Variants in KIF16B observed in about 807,000 individuals in gnomAD.
The protein encoded by KIF16B is kinesin family member 16B.
A neutral mutation model predicts 156.3 loss-of-function variants in KIF16B; 98 were observed. That is an observed-to-expected ratio of 0.63 (90% CI 0.53 to 0.74). The LOEUF (loss-of-function observed/expected upper bound fraction) is 0.74, where lower values mean the gene tolerates loss of function less well. KIF16B is among the 30% of genes least tolerant of loss of function. The pLI, the probability that KIF16B is intolerant of heterozygous loss-of-function variation, is 0.00. For missense variants in KIF16B, 1,421 were observed against 1,606.5 expected, an observed-to-expected ratio of 0.88 and a Z score of 1.97; for synonymous variants, 564 against 583.7, an observed-to-expected ratio of 0.97 and a Z score of 0.49.
chr20:16,294,394 G>A (rs2063353974), intron 25 of KIF16B, among the ~76,000 whole-genome samples: 1 of 152,200 alleles, frequency 6.6e-6, no homozygotes, highest in South Asian at 2.1e-4. Context: ...GTAGGAAAGT[G>A]AGTGAGAGAA....
chr20:16,289,928 A>C (rs1415531503), intron 25 of KIF16B, among the ~76,000 whole-genome samples: 1 of 152,224 alleles, frequency 6.6e-6, no homozygotes, highest in Admixed American at 6.5e-5. Flanking sequence ...ATAAACTGAA[A>C]ATCTAACCCA....
At chr20:16,343,715 G>A (rs577844474) in intron 23 of KIF16B, among the ~76,000 whole-genome samples, 1 of 152,136 alleles carries the variant, frequency 6.6e-6, no homozygotes, top group East Asian at 1.9e-4. Flanking sequence ...TAATGGATAA[G>A]GTTTAATTAA....
chr20:16,299,580 CA>C (rs1477164703), intron 25 of KIF16B, among the ~76,000 whole-genome samples: 13 of 152,116 alleles, frequency 8.5e-5, no homozygotes, highest in Admixed American at 8.5e-4. Context: ...TCTTTTGAAC[CA>C]GAAAGGGTTG....
At chr20:16,444,538 C>T (rs917790745) in intron 12 of KIF16B, among the ~76,000 whole-genome samples, 11 of 152,122 alleles carry the variant, frequency 7.2e-5, no homozygotes, top group African/African-American at 1.9e-4. Flanking sequence ...GGAGTACTTG[C>T]GACACAGGTG....
chr20:16,544,034 A>C (rs1368206064), intron 1 of KIF16B, among the ~76,000 whole-genome samples: 2 of 152,196 alleles, frequency 1.3e-5, no homozygotes, highest in East Asian at 3.8e-4. Flanking sequence ...GAACACAATG[A>C]GCCAGCCAGT....
At chr20:16,280,144 T>G (rs1568808101) in intron 25 of KIF16B, among the ~76,000 whole-genome samples, 1 of 152,250 alleles carries the variant, frequency 6.6e-6, no homozygotes, top group Non-Finnish European at 1.5e-5. Flanking sequence ...GGGCAAAATC[T>G]GGCCTTTAGG....
At chr20:16,502,620 C>T (rs2068658474) in intron 10 of KIF16B, among the ~76,000 whole-genome samples, 1 of 151,988 alleles carries the variant, frequency 6.6e-6, no homozygotes, top group South Asian at 2.1e-4. Context: ...AAAAAGACTA[C>T]AAAATATAAG....
chr20:16,317,710 C>T (rs2063717967), intron 24 of KIF16B, among the ~76,000 whole-genome samples: 1 of 152,244 alleles, frequency 6.6e-6, no homozygotes, highest in Non-Finnish European at 1.5e-5. Context: ...ACAGCTCAAA[C>T]TGTCGGCCAG....
At chr20:16,407,813 C>T (rs566823036) in intron 15 of KIF16B, among the ~76,000 whole-genome samples, 1 of 152,118 alleles carries the variant, frequency 6.6e-6, no homozygotes, top group Non-Finnish European at 1.5e-5. Flanking sequence ...TTTTGTGTTC[C>T]CTGTCATGTT....
intron 24 of KIF16B, among the ~76,000 whole-genome samples, chr20:16,331,706 T>C (rs2063951260): frequency 6.6e-6 from 1 of 152,178 alleles, no homozygotes; most frequent in South Asian, 2.1e-4. Flanking sequence ...GGCTATAAAA[T>C]AGTCACCCAT....
intron 12 of KIF16B, among the ~76,000 whole-genome samples, chr20:16,470,576 C>A (rs1291139272): frequency 6.6e-6 from 1 of 152,084 alleles, no homozygotes; most frequent in South Asian, 2.1e-4. Context: ...TCCAACCCCC[C>A]AGGCTCAAGC....
chr20:16,426,731 G>C (rs1473398514), intron 15 of KIF16B, among the ~76,000 whole-genome samples: 1 of 151,966 alleles, frequency 6.6e-6, no homozygotes, highest in Non-Finnish European at 1.5e-5. Context: ...AATCCTCTAT[G>C]TATGTTACAA....
rs779655646 is a variant in KIF16B, at chr20:16,273,389, C to T, written c.3818G>A (p.Ser1273Asn). The part of the protein sequence containing the change: ...HLEKYLRDFF[S>N]VMLQSATSPL... ...AGATGTTGCGGACTGGAGCATCACG[C>T]TGAAAAAGTCCCTGAGGTATTTCTG... Residue 1273 changes from serine (S) to asparagine (N), a missense_variant, in exon 26 of 26, where the codon AGC (serine) becomes AAC (asparagine). By Grantham distance (46) the Ser-to-Asn change is conservative. Transcript: ENST00000354981. The T allele has an allele frequency of 3.7e-6, 6 of 1,613,926 alleles. No individual in the cohort carries two copies. The highest frequency in any genetic ancestry group is 3.3e-5 in the Admixed American group (2 of 59,994).
chr20:16,294,939 CCT>C (rs2122527654), intron 25 of KIF16B, among the ~76,000 whole-genome samples: 1 of 152,262 alleles, frequency 6.6e-6, no homozygotes, highest in Admixed American at 6.5e-5. Flanking sequence ...TTTGTTTCCA[CCT>C]GGTTGTTACC....
intron 23 of KIF16B, among the ~76,000 whole-genome samples, chr20:16,355,187 ATGCATCAGGGG>A (rs2064415030): frequency 6.6e-6 from 1 of 152,162 alleles, no homozygotes; most frequent in Non-Finnish European, 1.5e-5. Context: ...CTGCCCTGAG[ATGCATCAGGGG>A]TGGGGACAGG....
At chr20:16,404,998 G>A (rs1013850142) in intron 16 of KIF16B, 97 bp from the exon 17 acceptor site, 7 of 800,302 alleles carry the variant, frequency 8.7e-6, no homozygotes, top group African/African-American at 1.7e-5. Context: ...ACAATGAGGT[G>A]CACATGCTCC....
chr20:16,368,024 A>C, intron 22 of KIF16B: 9 of 1,410,986 alleles, frequency 6.4e-6, no homozygotes, highest in Non-Finnish European at 8.3e-6. Context: ...AGCAGGAGCA[A>C]ACACGCTGGT....
chr20:16,543,904 A>C (rs1454187938), intron 1 of KIF16B, among the ~76,000 whole-genome samples: 1 of 152,170 alleles, frequency 6.6e-6, no homozygotes, highest in Non-Finnish European at 1.5e-5. Context: ...GGAACTCAGG[A>C]ACTCAGTAAG....
At chr20:16,429,837 G>C in intron 13 of KIF16B, 26 bp downstream of exon 13, 1 of 1,590,702 alleles carries the variant, frequency 6.3e-7, no homozygotes, top group South Asian at 1.2e-5. Context: ...AACAAAATTA[G>C]AATGTTCCAC....
Sources: allele counts gnomAD v4.1 joint callset (sites outside exome capture counted in the v4.1 genomes callset), GRCh38; gene constraint gnomAD v4.1.1; transcripts MANE v1.5; gene names NCBI Gene and HGNC (gene_info 2026-07-23, HGNC 2026-07-21).